CDKAL1: variants seen among roughly 807,000 people sequenced by gnomAD.
CDKAL1 encodes threonylcarbamoyladenosine tRNA methylthiotransferase.
In CDKAL1, 32 loss-of-function variants were observed where a neutral mutation model predicts 68.2. The observed-to-expected ratio is 0.47, with a 90% CI of 0.35 to 0.63. The LOEUF (loss-of-function observed/expected upper bound fraction) is 0.63, where lower values mean the gene tolerates loss of function less well. Among genes scored for constraint, CDKAL1 ranks in the 30% least tolerant of loss-of-function variants. The pLI, the probability that CDKAL1 is intolerant of heterozygous loss-of-function variation, is 0.00. For synonymous variants in CDKAL1, 234 were observed against 244.3 expected (o/e 0.96, Z 0.39); for missense variants, 606 against 696.7 (o/e 0.87, Z 1.47).
At chr6:20,612,817 G>C (rs1028045232) in intron 4 of CDKAL1, among the ~76,000 whole-genome samples, 1 of 151,956 alleles carries the variant, frequency 6.6e-6, no homozygotes, top group Non-Finnish European at 1.5e-5. Context: ...TCTTTGCCTA[G>C]ACCAATGTCC....
At chr6:21,134,356 G>C (rs1039954517) in intron 13 of CDKAL1, among the ~76,000 whole-genome samples, 2 of 152,148 alleles carry the variant, frequency 1.3e-5, no homozygotes, top group African/African-American at 4.8e-5. Flanking sequence ...CTCCTGGGAA[G>C]TTACCTTGTA....
chr6:21,163,226 G>A (rs1351781586), intron 13 of CDKAL1, among the ~76,000 whole-genome samples: 2 of 152,200 alleles, frequency 1.3e-5, no homozygotes, highest in Non-Finnish European at 2.9e-5. Context: ...GATTACTGCA[G>A]ATGTGGTGGT....
chr6:20,987,092 T>G (rs1335829266), intron 10 of CDKAL1, among the ~76,000 whole-genome samples: 2 of 152,164 alleles, frequency 1.3e-5, no homozygotes, highest in Admixed American at 6.5e-5. Flanking sequence ...TGGTTTAACT[T>G]CACTGACTCA....
chr6:20,586,121 C>G (rs1765343843), intron 4 of CDKAL1, among the ~76,000 whole-genome samples: 1 of 152,134 alleles, frequency 6.6e-6, no homozygotes, highest in Non-Finnish European at 1.5e-5. Flanking sequence ...TTAAGCATAT[C>G]CATAATCCTA....
At chr6:20,553,634 G>A (rs866107352) in intron 4 of CDKAL1, among the ~76,000 whole-genome samples, 1 of 152,042 alleles carries the variant, frequency 6.6e-6, no homozygotes, top group Non-Finnish European at 1.5e-5. Flanking sequence ...TTTTTGTTAC[G>A]TAGTCTCACT....
At chr6:21,031,299 A>G (rs1769274997) in intron 11 of CDKAL1, among the ~76,000 whole-genome samples, 1 of 151,410 alleles carries the variant, frequency 6.6e-6, no homozygotes, top group Non-Finnish European at 1.5e-5. Context: ...TTCGAAGCCC[A>G]CCAGAGCATG....
intron 11 of CDKAL1, among the ~76,000 whole-genome samples, chr6:21,017,152 T>C (rs1466395217): frequency 1.3e-5 from 2 of 152,226 alleles, no homozygotes; most frequent in Admixed American, 6.5e-5. Context: ...ACCACATTGC[T>C]CTATTTGATT....
intron 8 of CDKAL1, among the ~76,000 whole-genome samples, chr6:20,810,610 T>C (rs1776767296): frequency 7.2e-6 from 1 of 138,416 alleles, no homozygotes; most frequent in Non-Finnish European, 1.5e-5. Flanking sequence ...AAAAAAAAGA[T>C]TATGTGTGTA....
intron 4 of CDKAL1, among the ~76,000 whole-genome samples, chr6:20,552,119 G>A (rs1763859285): frequency 6.6e-6 from 1 of 151,898 alleles, no homozygotes; most frequent in South Asian, 2.1e-4. Context: ...GAGAGAGGGT[G>A]GGAGGGTCGC....
In CDKAL1 at chr6:20,930,216, C is replaced by T. The variant is rs1561892899; in HGVS notation, c.743-25203C>T. On this transcript the variant is annotated intron_variant, in intron 9 of 15. Coordinates refer to ENST00000274695, the MANE Select transcript of CDKAL1 (RefSeq NM_017774.3). ...TTGAAGTAGTTTCCAGAATTTATTT[C>T]ATTGTTTTTTCAACTCTTTGTTAAC... is the stretch of plus-strand genomic sequence containing the variant. 1.3e-5 allele frequency among the ~76,000 whole-genome samples: 2 copies of T among 151,494 alleles called. 1 individual carries two copies. Among genetic ancestry groups the T allele is most frequent in the South Asian group, 4.2e-4 (2 of 4,804 alleles).
At chr6:21,131,662 G>C (rs933341215) in intron 13 of CDKAL1, among the ~76,000 whole-genome samples, 1 of 152,038 alleles carries the variant, frequency 6.6e-6, no homozygotes, top group Non-Finnish European at 1.5e-5. Flanking sequence ...CCTAACACTA[G>C]AAAAAAACCA....
chr6:20,890,861 A>G (rs1187353954), intron 9 of CDKAL1, among the ~76,000 whole-genome samples: 2 of 152,238 alleles, frequency 1.3e-5, no homozygotes, highest in Non-Finnish European at 2.9e-5. Flanking sequence ...ATAATAATAA[A>G]AACAATAGTA....
intron 12 of CDKAL1, among the ~76,000 whole-genome samples, chr6:21,071,476 G>A (rs773237909): frequency 2.0e-5 from 3 of 152,112 alleles, no homozygotes; most frequent in Non-Finnish European, 2.9e-5. Context: ...CCAGTCTCAG[G>A]CATTTCTTTA....
intron 15 of CDKAL1, among the ~76,000 whole-genome samples, chr6:21,225,497 A>G (rs1478498540): frequency 2.6e-5 from 4 of 152,098 alleles, no homozygotes; most frequent in Non-Finnish European, 5.9e-5. Context: ...CACTCCTGTG[A>G]CGTCACCGTC....
intron 4 of CDKAL1, among the ~76,000 whole-genome samples, chr6:20,564,374 C>G (rs1034811369): frequency 1.3e-5 from 2 of 152,070 alleles, no homozygotes; most frequent in Non-Finnish European, 2.9e-5. Context: ...CTAAATATAC[C>G]AAAAGATGGC....
chr6:21,150,010 A>C (rs897408240), intron 13 of CDKAL1, among the ~76,000 whole-genome samples: 2 of 151,714 alleles, frequency 1.3e-5, no homozygotes, highest in African/African-American at 4.8e-5. Context: ...GGCGCCCACC[A>C]CCACACCCGG....
At chr6:20,888,476 C>T (rs1188991967) in intron 9 of CDKAL1, among the ~76,000 whole-genome samples, 10 of 147,290 alleles carry the variant, frequency 6.8e-5, no homozygotes, top group East Asian at 6.3e-4. Context: ...CCCATTAACT[C>T]GTCATTTAGC....
At chr6:20,544,624 G>A (rs1581701025) in intron 2 of CDKAL1, among the ~76,000 whole-genome samples, 1 of 144,136 alleles carries the variant, frequency 6.9e-6, no homozygotes, top group African/African-American at 2.6e-5. Context: ...AAAAAAAATT[G>A]GGTAGACCAG....
intron 4 of CDKAL1, among the ~76,000 whole-genome samples, chr6:20,572,165 TCCCAAGATA>T (rs1414772265): frequency 6.6e-6 from 1 of 152,166 alleles, no homozygotes; most frequent in East Asian, 1.9e-4. Context: ...CTCTGACTTC[TCCCAAGATA>T]CCCATGAAAG....
Sources: gnomAD v4.1 joint callset for allele counts (sites outside exome capture counted in the v4.1 genomes callset) on GRCh38, gnomAD v4.1.1 for gene constraint, MANE v1.5 for transcripts, NCBI Gene and HGNC (gene_info 2026-07-23, HGNC 2026-07-21) for gene names.